PTPRD: variants seen among roughly 807,000 people sequenced by gnomAD.
PTPRD encodes the protein receptor-type tyrosine-protein phosphatase delta.
Under a neutral mutation model 214.5 loss-of-function variants are expected in PTPRD, and 34 were observed. The ratio of observed to expected loss-of-function variants is 0.16; its 90% CI spans 0.12 to 0.21. The LOEUF is 0.21. Ranked by LOEUF, PTPRD falls within the 10% of genes least tolerant of loss-of-function variation. The pLI is 1.00. For missense variants in PTPRD, 2,545 were observed against 2,398.7 expected (o/e 1.06, Z -1.27); for synonymous variants, 1,128 against 845.7 (o/e 1.33, Z -5.79).
chr9:8,641,791 G>T (rs979380709), intron 12 of PTPRD, among the ~76,000 whole-genome samples: 2 of 152,192 alleles, frequency 1.3e-5, no homozygotes, highest in African/African-American at 4.8e-5. Flanking sequence ...TAAGAAGTTA[G>T]ATTGTTTCTT....
chr9:9,016,917 A>C (rs1372566172), intron 11 of PTPRD, among the ~76,000 whole-genome samples: 1 of 152,054 alleles, frequency 6.6e-6, no homozygotes. Context: ...GTGGCTCTTA[A>C]TGGTGGTGCT....
At chr9:8,328,974 A>G (rs928117025) in intron 44 of PTPRD, among the ~76,000 whole-genome samples, 1 of 152,072 alleles carries the variant, frequency 6.6e-6, no homozygotes, top group African/African-American at 2.4e-5. Context: ...AATTAGTAAC[A>G]TGGTCCCTTA....
intron 8 of PTPRD, among the ~76,000 whole-genome samples, chr9:9,534,051 G>A (rs1279434328): frequency 6.6e-6 from 1 of 151,852 alleles, no homozygotes; most frequent in Non-Finnish European, 1.5e-5. Context: ...ACACACACTA[G>A]CAATAAAACC....
chr9:8,686,689 C>G (rs1425678301), intron 12 of PTPRD, among the ~76,000 whole-genome samples: 1 of 152,044 alleles, frequency 6.6e-6, no homozygotes, highest in Non-Finnish European at 1.5e-5. Context: ...CTTGGCTCTA[C>G]CAAGCCACCA....
intron 3 of PTPRD, among the ~76,000 whole-genome samples, chr9:10,149,506 G>T (rs909944716): frequency 1.3e-5 from 2 of 152,060 alleles, no homozygotes; most frequent in Non-Finnish European, 2.9e-5. Context: ...TTTAGGCAAG[G>T]CACTGCCCTC....
At chr9:9,113,993 G>A (rs1387438846) in intron 10 of PTPRD, among the ~76,000 whole-genome samples, 4 of 152,218 alleles carry the variant, frequency 2.6e-5, no homozygotes, top group African/African-American at 7.2e-5. Flanking sequence ...TCTTTTCCAG[G>A]TTTACTCTAT....
At chr9:10,221,821 CATT>C (rs2099572200) in intron 3 of PTPRD, among the ~76,000 whole-genome samples, 1 of 151,680 alleles carries the variant, frequency 6.6e-6, no homozygotes, top group Non-Finnish European at 1.5e-5. Flanking sequence ...CCTGCTATAT[CATT>C]ATAATACAAG....
chr9:9,528,547 A>T (rs974126508), intron 8 of PTPRD, among the ~76,000 whole-genome samples: 2 of 152,176 alleles, frequency 1.3e-5, no homozygotes, highest in African/African-American at 4.8e-5. Context: ...AGAACAAAAT[A>T]CTTGAAGACA....
rs1008700029 is a variant in PTPRD at position 8,802,606 on chromosome 9, T to A, written c.-103-68660A>T. 6.6e-5 allele frequency among the ~76,000 whole-genome samples: 10 copies of A among 152,364 alleles called. No homozygotes were observed. In the East Asian group the frequency reaches 1.7e-3, roughly 26 times the overall value. ...TTCCCAAAAGTGGTAATATTTCCAA[T>A]TACAAATTCTAGCTCCTTCCTTCTA... On this transcript the variant is annotated intron_variant, in intron 11 of 45. Transcript: ENST00000381196.
intron 7 of PTPRD, among the ~76,000 whole-genome samples, chr9:9,681,698 C>A (rs984521462): frequency 6.6e-6 from 1 of 151,730 alleles, no homozygotes; most frequent in Admixed American, 6.6e-5. Flanking sequence ...CATGTTATCC[C>A]TGTGCAGCAA....
chr9:10,252,879 G>A lies in PTPRD; in HGVS notation c.-545+88084C>T, dbSNP rs1264250761. Among the ~76,000 whole-genome samples the A allele has an allele frequency of 2.6e-5, 4 of 152,102 alleles. No individual in the cohort carries two copies. The East Asian group carries it at 7.8e-4, about 30-fold the overall frequency. On this transcript the variant is annotated intron_variant, in intron 3 of 45. Transcript: ENST00000381196. ...ACTCACTGCAACCTCCGCCTCCCGGGTTCAAGAGATTTTTCTGCCTCAGCC... is the reference window on the plus strand; with the variant it reads ...ACTCACTGCAACCTCCGCCTCCCGGATTCAAGAGATTTTTCTGCCTCAGCC...
At chr9:10,363,991 G>GTTTTTTTGTTTTTTTTTTTTTTTT (rs1485501417) in intron 2 of PTPRD, among the ~76,000 whole-genome samples, 3 of 35,128 alleles carry the variant, frequency 8.5e-5, no homozygotes, top group African/African-American at 1.2e-4. Context: ...ACATTTTCGG[G>GTTTTTTTGTTTTTTTTTTTTTTTT]TTTTTTTTTT....
intron 9 of PTPRD, among the ~76,000 whole-genome samples, chr9:9,188,965 G>C (rs774682076): frequency 6.6e-6 from 1 of 151,968 alleles, no homozygotes; most frequent in Non-Finnish European, 1.5e-5. Flanking sequence ...AATTAAAGAT[G>C]ACAAGGACCA....
chr9:9,649,041 G>T (rs1357451190), intron 7 of PTPRD, among the ~76,000 whole-genome samples: 1 of 152,146 alleles, frequency 6.6e-6, no homozygotes, highest in Non-Finnish European at 1.5e-5. Context: ...AGTTTCCCAA[G>T]TCTCAAGGAT....
At chr9:9,071,711 CTGA>C in intron 10 of PTPRD, among the ~76,000 whole-genome samples, 1 of 152,228 alleles carries the variant, frequency 6.6e-6, no homozygotes, top group South Asian at 2.1e-4. Context: ...TGCAACCCGG[CTGA>C]TAATACATGA....
chr9:10,507,172 G>A lies in PTPRD; in HGVS notation c.-600+105226C>T, dbSNP rs538103910. 1.6e-4 allele frequency among the ~76,000 whole-genome samples: 24 copies of A among 152,030 alleles called. No homozygotes were observed. In the South Asian group the frequency reaches 5.1e-3, roughly 32 times the overall value. ...CCAATAACAGACAAACAGAGAGCCA[G>A]ATCATGAGTGAACTCCCATTCACGA... On this transcript the variant is annotated intron_variant, in intron 2 of 45. Coordinates refer to ENST00000381196, the MANE Select transcript of PTPRD (RefSeq NM_002839.4).
intron 9 of PTPRD, among the ~76,000 whole-genome samples, chr9:9,288,762 G>A (rs1040114882): frequency 2.0e-5 from 3 of 151,848 alleles, no homozygotes; most frequent in Admixed American, 6.6e-5. Flanking sequence ...TAATCTCTAC[G>A]TGTCATGGGT....
chr9:8,720,620 A>G (rs932241459), intron 12 of PTPRD, among the ~76,000 whole-genome samples: 5 of 152,236 alleles, frequency 3.3e-5, no homozygotes, highest in Non-Finnish European at 7.3e-5. Context: ...AAGCCTAATA[A>G]AAGAATGGAA....
rs2096300558 is a variant in PTPRD, at chr9:8,793,443, T to C, written c.-103-59497A>G. On this transcript the variant is annotated intron_variant, in intron 11 of 45. Transcript: ENST00000381196. ...ATGACTGCAGCCCCATCTAACATTCTGACTGCAGCTTCATGAGAGACTCTG... is the reference window on the plus strand; with the variant it reads ...ATGACTGCAGCCCCATCTAACATTCCGACTGCAGCTTCATGAGAGACTCTG... Among the ~76,000 whole-genome samples the C allele has an allele frequency of 1.3e-5, 2 of 152,222 alleles. 1 individual carries two copies. The highest frequency in any genetic ancestry group is 1.3e-4 in the Admixed American group (2 of 15,266).
Sources: gnomAD v4.1 joint callset for allele counts (sites outside exome capture counted in the v4.1 genomes callset) on GRCh38, gnomAD v4.1.1 for gene constraint, MANE v1.5 for transcripts, NCBI Gene and HGNC (gene_info 2026-07-23, HGNC 2026-07-21) for gene names.